ZNF254: variants seen among roughly 807,000 people sequenced by gnomAD.
ZNF254 encodes zinc finger protein 254.
A neutral mutation model predicts 12.4 loss-of-function variants in ZNF254; 10 were observed. The observed-to-expected ratio is 0.80, with a 90% CI of 0.50 to 1.36. The LOEUF is 1.36. Among genes scored for constraint, ZNF254 ranks in the 40% most tolerant of loss-of-function variants. The pLI is 0.00. For synonymous variants in ZNF254, 305 were observed against 253.4 expected (o/e 1.20, Z -1.93); for missense variants, 996 against 763.9 (o/e 1.30, Z -3.58).
intron 2 of ZNF254, among the ~76,000 whole-genome samples, chr19:24,047,596 C>CTTT (rs386388790): frequency 8.3e-5 from 9 of 107,910 alleles, no homozygotes; most frequent in African/African-American, 3.3e-4. Context: ...TTCATTCTTC[C>CTTT]TTTTTTTTTT....
chr19:24,042,766 C>T (rs1970226996), intron 1 of ZNF254, among the ~76,000 whole-genome samples: 1 of 152,178 alleles, frequency 6.6e-6, no homozygotes, highest in Non-Finnish European at 1.5e-5. Flanking sequence ...ATTTACTTTC[C>T]TCTCCACTAA....
chr19:24,126,673 CT>C lies in ZNF254; in HGVS notation c.675del (p.Thr226LeufsTer33). The C allele has an allele frequency of 6.2e-7, 1 of 1,613,166 alleles. No homozygotes were observed. Among genetic ancestry groups the C allele is most frequent in the Non-Finnish European group, 8.5e-7 (1 of 1,179,710 alleles). ...CGKTFNWSST[L>X]TNHRKIYTEE... The stretch of plus-strand genomic sequence containing the variant: ...AAAAACCTTTAATTGGTCCTCAACC[CT>C]TACTAATCATAGGAAAATTTATACT... On this transcript the variant is annotated frameshift_variant, in exon 4 of 4. Coordinates refer to ENST00000357002, the MANE Select transcript of ZNF254 (RefSeq NM_203282.4). LOFTEE classifies it low-confidence loss of function (END_TRUNC).
chr19:24,126,112 CTA>C (rs1974816469), intron 3 of ZNF254, 140 bp from the exon 4 acceptor site: 1 of 500,024 alleles, frequency 2.0e-6, no homozygotes, highest in African/African-American at 2.0e-5. Context: ...ACATTTATGT[CTA>C]TGAAAGAATT....
chr19:24,113,485 C>A (rs1483429118), intron 3 of ZNF254, among the ~76,000 whole-genome samples: 2 of 152,158 alleles, frequency 1.3e-5, no homozygotes, highest in East Asian at 3.8e-4. Flanking sequence ...AATTCAATGA[C>A]ACTTCATGCT....
intron 1 of ZNF254, among the ~76,000 whole-genome samples, chr19:24,088,894 C>G (rs923040978): frequency 1.3e-5 from 2 of 150,766 alleles, no homozygotes; most frequent in African/African-American, 4.9e-5. Context: ...TAGCCTCAAG[C>G]GATCCGCCTG....
chr19:24,046,649 A>G (rs558562839), intron 2 of ZNF254, among the ~76,000 whole-genome samples: 1 of 152,094 alleles, frequency 6.6e-6, no homozygotes, highest in South Asian at 2.1e-4. Flanking sequence ...CAATGAAACC[A>G]TGTATTTTGT....
intron 2 of ZNF254, among the ~76,000 whole-genome samples, chr19:24,047,276 C>T (rs1970428721): frequency 6.6e-6 from 1 of 151,308 alleles, no homozygotes; most frequent in Admixed American, 6.6e-5. Flanking sequence ...CTCTCTTCCT[C>T]CTTCTCTCTT....
chr19:24,103,051 T>C (rs1973126454), intron 1 of ZNF254, among the ~76,000 whole-genome samples: 1 of 152,350 alleles, frequency 6.6e-6, no homozygotes, highest in East Asian at 1.9e-4. Flanking sequence ...ACATAGTACC[T>C]GCTTAATAAA....
intron 2 of ZNF254, among the ~76,000 whole-genome samples, chr19:24,074,602 C>T (rs975275900): frequency 2.6e-5 from 4 of 152,130 alleles, no homozygotes; most frequent in Admixed American, 2.0e-4. Flanking sequence ...TCTATCTGGC[C>T]CCTGTCCACA....
chr19:24,067,698 T>A (rs1390444066), intron 2 of ZNF254, among the ~76,000 whole-genome samples: 1 of 151,872 alleles, frequency 6.6e-6, no homozygotes, highest in African/African-American at 2.4e-5. Flanking sequence ...GATACGACCC[T>A]TCCTCTACTG....
At chr19:24,051,829 CTT>C (rs1295852889) in intron 2 of ZNF254, among the ~76,000 whole-genome samples, 12 of 152,286 alleles carry the variant, frequency 7.9e-5, no homozygotes, top group Admixed American at 2.6e-4. Context: ...TGATGTGACT[CTT>C]TTCTCATGCA....
chr19:24,057,527 A>G (rs1196494782), intron 2 of ZNF254, among the ~76,000 whole-genome samples: 1 of 152,218 alleles, frequency 6.6e-6, no homozygotes, highest in Non-Finnish European at 1.5e-5. Context: ...CTCGGTTGGT[A>G]CAGGGAATGT....
At chr19:24,121,139 A>T (rs573440310) in intron 3 of ZNF254, among the ~76,000 whole-genome samples, 1 of 152,318 alleles carries the variant, frequency 6.6e-6, no homozygotes, top group African/African-American at 2.4e-5. Flanking sequence ...AAAGGGAAAT[A>T]AATTTAAATC....
chr19:24,057,622 T>C (rs752416850), intron 2 of ZNF254, among the ~76,000 whole-genome samples: 6 of 152,340 alleles, frequency 3.9e-5, no homozygotes, highest in Non-Finnish European at 5.9e-5. Flanking sequence ...TTCACATGAA[T>C]ACAATCCACT....
At chr19:24,104,719 G>A (rs1186710337) in intron 1 of ZNF254, 1 of 152,118 alleles carries the variant, frequency 6.6e-6, no homozygotes, top group Non-Finnish European at 1.5e-5. Context: ...TCTCCTTGTG[G>A]CTGATGAACA....
At chr19:24,117,936 G>A (rs1244127036) in intron 3 of ZNF254, among the ~76,000 whole-genome samples, 1 of 151,848 alleles carries the variant, frequency 6.6e-6, no homozygotes, top group African/African-American at 2.4e-5. Flanking sequence ...ATTCATAAAT[G>A]TAATTGCTGT....
chr19:24,091,924 A>T, intron 1 of ZNF254: 1 of 753,004 alleles, frequency 1.3e-6, no homozygotes, highest in South Asian at 6.0e-5. Flanking sequence ...CTGTTGGCCA[A>T]GCTGGAGTGC....
chr19:24,114,161 G>A (rs1192585825), intron 3 of ZNF254, among the ~76,000 whole-genome samples: 1 of 152,036 alleles, frequency 6.6e-6, no homozygotes, highest in Non-Finnish European at 1.5e-5. Context: ...TTTCTTCAGA[G>A]AATTGGAAAA....
chr19:24,039,772 G>A (rs1374364557), intron 1 of ZNF254, among the ~76,000 whole-genome samples: 1 of 152,202 alleles, frequency 6.6e-6, no homozygotes, highest in Non-Finnish European at 1.5e-5. Flanking sequence ...ATGAAGAAGG[G>A]AGTTGCACAG....
Sources: allele counts gnomAD v4.1 joint callset (sites outside exome capture counted in the v4.1 genomes callset), GRCh38; gene constraint gnomAD v4.1.1; transcripts MANE v1.5; gene names NCBI Gene and HGNC (gene_info 2026-07-23, HGNC 2026-07-21).